Variants in ORC5 observed in about 807,000 individuals in gnomAD.
ORC5 encodes the protein protein phosphatase 1, regulatory subunit 117.
In ORC5, 39 loss-of-function variants were observed where a neutral mutation model predicts 58.8. That is an observed-to-expected ratio of 0.66 (90% CI 0.51 to 0.87). ORC5 has a LOEUF of 0.87. ORC5 is among the 40% of genes least tolerant of loss of function. ORC5 has a pLI of 0.00. For synonymous variants in ORC5, 218 were observed against 177.6 expected (o/e 1.23, Z -1.81); for missense variants, 493 against 506.3 (o/e 0.97, Z 0.25).
chr7:104,207,900 G>T lies in ORC5; in HGVS notation c.5C>A (p.Pro2His), dbSNP rs145123164. The change falls in exon 1 of 14, where the codon CCC becomes CAC. Residue 2 changes from proline (P) to histidine (H), a missense_variant. Pro to His is a moderately conservative substitution (Grantham distance 77, BLOSUM62 -2). Transcript: ENST00000297431. ...ACAAAGCACCACGTTTTCCAAGTGG[G>T]GCATTCTGGCAGGCACCACCGCAGA... is the stretch of plus-strand genomic sequence containing the variant. The part of the protein sequence containing the change: M[P>H]HLENVVLCRE... 8.2e-5 allele frequency: 133 copies of T among 1,614,058 alleles called. No homozygotes were observed. Among genetic ancestry groups the T allele is most frequent in the Non-Finnish European group, 3.0e-5 (35 of 1,179,956 alleles).
intron 3 of ORC5, among the ~76,000 whole-genome samples, chr7:104,200,002 C>T (rs559664859): frequency 2.6e-5 from 4 of 152,292 alleles, no homozygotes; most frequent in Admixed American, 2.0e-4. Context: ...GGAGCTTCTC[C>T]TTCCTTCTAC....
At chr7:104,190,232 A>G (rs918543058) in intron 5 of ORC5, among the ~76,000 whole-genome samples, 2 of 152,156 alleles carry the variant, frequency 1.3e-5, no homozygotes, top group Non-Finnish European at 2.9e-5. Context: ...TTACCGGCAA[A>G]ATCAGTAACA....
rs114320024 is a variant in ORC5 at position 104,194,639 on chromosome 7, T to C, written c.553+504A>G. Among the ~76,000 whole-genome samples, 1,472 of 152,160 alleles carry C rather than the reference T, an allele frequency of 9.7e-3. 25 individuals carry two copies. The highest frequency in any genetic ancestry group is 0.034 in the African/African-American group (1,406 of 41,504). On this transcript the variant is annotated intron_variant, in intron 5 of 13. Coordinates refer to ENST00000297431, the MANE Select transcript of ORC5 (RefSeq NM_002553.4). Reference sequence around the variant, plus strand: ...ATGAGATTTATAAAATCAAAAGATATAAGCGCAACATGGTACTTAACCCAA... The same window carrying C: ...ATGAGATTTATAAAATCAAAAGATACAAGCGCAACATGGTACTTAACCCAA...
rs77701664 is a variant in ORC5 at position 104,187,338 on chromosome 7, C to G, written c.684+913G>C. 5.3e-3 allele frequency among the ~76,000 whole-genome samples: 811 copies of G among 152,200 alleles called. 10 individuals carry two copies. Among genetic ancestry groups the G allele is most frequent in the African/African-American group, 0.019 (774 of 41,522 alleles). The stretch of plus-strand genomic sequence containing the variant: ...AATCTACATGTAAATCAGAGGAGCC[C>G]TGAAATCTGAAACTTTCAAAAACAT... On this transcript the variant is annotated intron_variant, in intron 6 of 13. Transcript: ENST00000297431.
intron 5 of ORC5, among the ~76,000 whole-genome samples, chr7:104,189,812 T>C (rs1799633877): frequency 6.6e-6 from 1 of 152,180 alleles, no homozygotes; most frequent in South Asian, 2.1e-4. Context: ...TTTCCTTGAG[T>C]TCTGTGAGCT....
At chr7:104,172,982 T>TA (rs57266058) in intron 8 of ORC5, among the ~76,000 whole-genome samples, 59,110 of 142,824 alleles carry the variant, frequency 0.41, 14,072 homozygotes, top group Non-Finnish European at 0.56. Flanking sequence ...CTTTCCAGGT[T>TA]AAAAAAAAAA....
intron 12 of ORC5, among the ~76,000 whole-genome samples, chr7:104,139,873 A>T (rs555751052): frequency 1.3e-5 from 2 of 152,136 alleles, no homozygotes; most frequent in South Asian, 2.1e-4. Flanking sequence ...CACCATTTTT[A>T]AAATCTGCCT....
chr7:104,201,965 C>G (rs1799956038), intron 2 of ORC5, among the ~76,000 whole-genome samples: 1 of 152,022 alleles, frequency 6.6e-6, no homozygotes, highest in South Asian at 2.1e-4. Context: ...TGGTGCACAT[C>G]TATAGTCCCA....
chr7:104,126,858 T>C lies in ORC5; in HGVS notation c.1298A>G (p.Asp433Gly). 6.2e-7 allele frequency: 1 copy of C among 1,606,986 alleles called. No individual in the cohort carries two copies. The highest frequency in any genetic ancestry group is 8.5e-7 in the Non-Finnish European group (1 of 1,175,340). ...CTTTGAAGCTTGTTTTCACAAGAAATCATACAAGTATTTTATTATGTCAAA... is the reference window on the plus strand; with the variant it reads ...CTTTGAAGCTTGTTTTCACAAGAAACCATACAAGTATTTTATTATGTCAAA... The part of the protein sequence containing the change: ...VNFDIIKYLY[D>G]FL Residue 433 changes from aspartate (D) to glycine (G), a missense_variant, in exon 14 of 14, where the codon GAT becomes GGT. By Grantham distance (94) the Asp-to-Gly change is moderately conservative (BLOSUM62 -1). Coordinates refer to ENST00000297431, the MANE Select transcript of ORC5 (RefSeq NM_002553.4).
rs539258323 is a variant in ORC5 at position 104,144,389 on chromosome 7, C to T, written c.1150-7496G>A. Among the ~76,000 whole-genome samples the T allele has an allele frequency of 1.9e-4, 29 of 152,260 alleles. No individual in the cohort carries two copies. In the South Asian group the frequency reaches 6.0e-3, roughly 32 times the overall value. On this transcript the variant is annotated intron_variant, in intron 12 of 13. Coordinates refer to ENST00000297431, the MANE Select transcript of ORC5 (RefSeq NM_002553.4). ...TCCACCTTCCTTTCTATTATCCAAT[C>T]CTTAAATTGGCTAATTTTTATTTCC...
intron 8 of ORC5, among the ~76,000 whole-genome samples, chr7:104,173,163 C>A (rs1255548869): frequency 1.3e-5 from 2 of 152,148 alleles, no homozygotes; most frequent in Non-Finnish European, 2.9e-5. Flanking sequence ...GCCATCATAA[C>A]CTTATACAAA....
At chr7:104,180,833 T>C (rs146236963) in intron 8 of ORC5, among the ~76,000 whole-genome samples, 1,904 of 152,328 alleles carry the variant, frequency 0.012, 21 homozygotes, top group Middle Eastern at 0.041. Context: ...GGTCATTATA[T>C]GTATGCCACA....
intron 12 of ORC5, among the ~76,000 whole-genome samples, chr7:104,153,335 C>T (rs1798875006): frequency 6.6e-6 from 1 of 152,130 alleles, no homozygotes; most frequent in African/African-American, 2.4e-5. Context: ...TCATTTACTG[C>T]ACCAGTGGAG....
At chr7:104,169,614 T>C (rs1226570253) in intron 8 of ORC5, among the ~76,000 whole-genome samples, 9 of 152,108 alleles carry the variant, frequency 5.9e-5, no homozygotes. Flanking sequence ...AATTTAAAAA[T>C]AATGCCAGAT....
In ORC5 at chr7:104,126,653, C is replaced by T; in HGVS notation, c.*195G>A. ...CGTTGCTTCCAAATACTCCAGGGTC[C>T]CTGGTAAATAGTCTTCTGCTCACAT... On this transcript the variant is annotated 3_prime_UTR_variant, in exon 14 of 14. Transcript: ENST00000297431. 6.2e-6 allele frequency: 3 copies of T among 486,922 alleles called. No individual in the cohort carries two copies. The highest frequency in any genetic ancestry group is 1.1e-5 in the Non-Finnish European group (3 of 276,960). The allele number at this position is 486,922 out of a possible 1,614,324, so 30.2% of individuals were successfully genotyped here.
In ORC5 at chr7:104,188,965, C is replaced by T. The variant is rs202053367; in HGVS notation, c.554-584G>A. 5.9e-5 allele frequency among the ~76,000 whole-genome samples: 9 copies of T among 152,048 alleles called. No individual in the cohort carries two copies. The East Asian group carries it at 1.4e-3, about 23-fold the overall frequency. On this transcript the variant is annotated intron_variant, in intron 5 of 13. Coordinates refer to ENST00000297431, the MANE Select transcript of ORC5 (RefSeq NM_002553.4). ...CATGATTCCAAGTTTCCTGAGGCCT[C>T]CCCAGAAGCAGAAGCCTGTACAGCC... is the stretch of plus-strand genomic sequence containing the variant.
intron 8 of ORC5, among the ~76,000 whole-genome samples, chr7:104,177,779 G>A (rs1799352963): frequency 6.6e-6 from 1 of 152,068 alleles, no homozygotes; most frequent in Non-Finnish European, 1.5e-5. Context: ...GTGTCCATGT[G>A]TTCTCATTGT....
intron 2 of ORC5, chr7:104,202,329 C>T (rs1189812159): frequency 1.5e-5 from 3 of 205,586 alleles, no homozygotes; most frequent in African/African-American, 7.0e-5. Flanking sequence ...AATAAGGAGG[C>T]TTTTCTTTCT....
chr7:104,168,291 C>A, intron 9 of ORC5, 182 bp downstream of exon 9: 1 of 1,170,326 alleles, frequency 8.5e-7, no homozygotes, highest in Non-Finnish European at 1.1e-6. Context: ...TTTATTTCCT[C>A]CCATTAAATT....
Sources: gnomAD v4.1 joint callset for allele counts (sites outside exome capture counted in the v4.1 genomes callset) on GRCh38, gnomAD v4.1.1 for gene constraint, MANE v1.5 for transcripts, NCBI Gene and HGNC (gene_info 2026-07-23, HGNC 2026-07-21) for gene names.